Variants in ABHD2 observed in about 807,000 individuals in gnomAD.
The protein encoded by ABHD2 is abhydrolase domain containing 2, acylglycerol lipase, also known as monoacylglycerol lipase ABHD2.
In ABHD2, 20 loss-of-function variants were observed where a neutral mutation model predicts 48.1. The ratio of observed to expected loss-of-function variants is 0.42; its 90% CI spans 0.29 to 0.60. The LOEUF is 0.60. Among genes scored for constraint, ABHD2 ranks in the 20% least tolerant of loss-of-function variants. The pLI is 0.24. For synonymous variants in ABHD2, 209 were observed against 214.2 expected (o/e 0.98, Z 0.21); for missense variants, 405 against 550.9 (o/e 0.74, Z 2.65).
chr15:89,200,785 G>T lies in ABHD2; in HGVS notation c.*5362G>T. 1 of 257,042 alleles carries T rather than the reference G, an allele frequency of 3.9e-6. No individual in the cohort carries two copies. Among genetic ancestry groups the T allele is most frequent in the Non-Finnish European group, 7.7e-6 (1 of 129,130 alleles). The allele number at this position is 257,042 out of a possible 1,614,324, so 15.9% of individuals were successfully genotyped here. ...TTGCTCTACAAGACGAATTTCCCTA[G>T]AAAGAATCCAATGAAGGCCGGGCAT... is the stretch of plus-strand genomic sequence containing the variant. On this transcript the variant is annotated 3_prime_UTR_variant, in exon 11 of 11. Transcript: ENST00000352732.
At chr15:89,061,731 C>T in the ABHD2 span, among the ~76,000 whole-genome samples, 2 of 152,032 alleles carry the variant, frequency 1.3e-5, no homozygotes, top group African/African-American at 4.8e-5. Context: ...CACCACCACA[C>T]CTGGCTAATT....
chr15:89,085,554 C>T (rs991222571), upstream of ABHD2, among the ~76,000 whole-genome samples: 1 of 152,144 alleles, frequency 6.6e-6, no homozygotes, highest in African/African-American at 2.4e-5. This position sits in a 1 kb window ranked among gnomAD's most constrained non-coding sequence, Gnocchi z 4.2. Context: ...AGAGAAGATG[C>T]CCGGATCCTT....
chr15:89,049,403 G>T, the ABHD2 span, among the ~76,000 whole-genome samples: 1 of 152,270 alleles, frequency 6.6e-6, no homozygotes, highest in African/African-American at 2.4e-5. Flanking sequence ...TCCTTGAGCT[G>T]TGGTGGGCTC....
chr15:89,164,875 C>CT lies in ABHD2; in HGVS notation c.538+9342dup, dbSNP rs2050814847. Among the ~76,000 whole-genome samples the CT allele has an allele frequency of 6.6e-6, 1 of 152,202 alleles. No homozygotes were observed. Among genetic ancestry groups the CT allele is most frequent in the African/African-American group, 2.4e-5 (1 of 41,452 alleles). ...TTATCATCTTCATTGGCCCTTCACT[C>CT]TAACTTTGTGTTTTCTGTGAGCCAC... On this transcript the variant is annotated intron_variant, in intron 5 of 10. Transcript: ENST00000352732. The surrounding 1 kb of genome is among the most constrained non-coding windows in gnomAD (Gnocchi z 5.0).
At chr15:89,041,168 TC>T in the ABHD2 span, 1 of 152,166 alleles carries the variant, frequency 6.6e-6, no homozygotes, top group Non-Finnish European at 1.5e-5. Flanking sequence ...AGCATCAACT[TC>T]CAGTGACGTG....
At chr15:89,064,625 G>A in the ABHD2 span, among the ~76,000 whole-genome samples, 78 of 152,056 alleles carry the variant, frequency 5.1e-4, 1 homozygote, top group Admixed American at 5.0e-3. Context: ...ATCATTTCAT[G>A]TCAACAAAGT....
intron 3 of ABHD2, among the ~76,000 whole-genome samples, chr15:89,148,297 C>G (rs2050531818): frequency 6.6e-6 from 1 of 151,944 alleles, no homozygotes; most frequent in African/African-American, 2.4e-5. Flanking sequence ...AAGAGAAATA[C>G]AAATGACTAG....
chr15:89,145,126 G>C (rs1049752179), intron 3 of ABHD2, among the ~76,000 whole-genome samples: 2 of 152,162 alleles, frequency 1.3e-5, no homozygotes, highest in Non-Finnish European at 2.9e-5. Context: ...CGTGGTGGCA[G>C]GTGCCTGTAA....
chr15:89,193,516 T>C lies in ABHD2; in HGVS notation c.1081+197T>C, dbSNP rs868861409. The C allele has an allele frequency of 1.1e-4, 68 of 601,306 alleles. No homozygotes were observed. In the Middle Eastern group the frequency reaches 3.9e-3, roughly 35 times the overall value. 37.2% of individuals were successfully genotyped at this position (601,306 alleles called of 1,614,324 possible). On this transcript the variant is annotated intron_variant, in intron 10 of 10. Coordinates refer to ENST00000352732, the MANE Select transcript of ABHD2 (RefSeq NM_152924.5). ...GCTTGGGCATCAGGCCTCCCTCGTG[T>C]TCCTCCCAGGGCATGAGACAGGACC...
At chr15:89,098,867 G>A (rs1019846190) in intron 1 of ABHD2, among the ~76,000 whole-genome samples, 1 of 152,182 alleles carries the variant, frequency 6.6e-6, no homozygotes, top group African/African-American at 2.4e-5. Flanking sequence ...GCTTATAAGA[G>A]GAATGCAGAT....
intron 3 of ABHD2, among the ~76,000 whole-genome samples, chr15:89,129,293 G>A (rs1410907790): frequency 6.6e-6 from 1 of 152,052 alleles, no homozygotes; most frequent in Non-Finnish European, 1.5e-5. Context: ...CAGTAAGAAA[G>A]GTAGGGAGAG....
chr15:89,048,929 G>A, the ABHD2 span, among the ~76,000 whole-genome samples: 2 of 129,870 alleles, frequency 1.5e-5, no homozygotes, highest in East Asian at 4.1e-4. Flanking sequence ...TGCTGGTGAG[G>A]AACTGCGTTC....
At chr15:89,085,281 A>G (rs1901332524), upstream of ABHD2, among the ~76,000 whole-genome samples, 1 of 151,972 alleles carries the variant, frequency 6.6e-6, no homozygotes, top group African/African-American at 2.4e-5. The surrounding 1 kb of genome is among the most constrained non-coding windows in gnomAD (Gnocchi z 4.2). Context: ...TTACAGCCAC[A>G]TCCCAACACC....
At chr15:89,068,502 G>T in the ABHD2 span, among the ~76,000 whole-genome samples, 3 of 152,258 alleles carry the variant, frequency 2.0e-5, no homozygotes, top group South Asian at 6.2e-4. Context: ...TGGAACCTCA[G>T]CTGGGCTTTC....
chr15:89,186,719 C>T lies in ABHD2; in HGVS notation c.815+1203C>T, dbSNP rs1461361884. On this transcript the variant is annotated intron_variant, in intron 7 of 10. Coordinates refer to ENST00000352732, the MANE Select transcript of ABHD2 (RefSeq NM_152924.5). The surrounding 1 kb of genome is among the most constrained non-coding windows in gnomAD (Gnocchi z 4.3). ...TCCCAGCACCCGAGACACACCCGTT[C>T]GCTCAAAAAAATTTGGGGGATTTTT... Among the ~76,000 whole-genome samples, 1 of 152,094 alleles carries T rather than the reference C, an allele frequency of 6.6e-6. No individual in the cohort carries two copies. The highest frequency in any genetic ancestry group is 1.5e-5 in the Non-Finnish European group (1 of 68,018).
chr15:89,165,194 T>C (rs768878169), intron 5 of ABHD2, among the ~76,000 whole-genome samples: 4 of 152,312 alleles, frequency 2.6e-5, no homozygotes, highest in Admixed American at 2.0e-4. Context: ...CGCCTCCAGC[T>C]CAAAGCCACT....
chr15:89,068,377 C>G, the ABHD2 span, among the ~76,000 whole-genome samples: 3 of 152,182 alleles, frequency 2.0e-5, no homozygotes. Context: ...TGGCTAGCCT[C>G]TGCTCCCTGG....
the ABHD2 span, among the ~76,000 whole-genome samples, chr15:89,053,135 T>C: frequency 1.3e-5 from 2 of 151,740 alleles, no homozygotes; most frequent in African/African-American, 4.8e-5. Flanking sequence ...CCTGGCCAAT[T>C]TTTTGTATTT....
chr15:89,157,140 T>A (rs1310307636), intron 5 of ABHD2, among the ~76,000 whole-genome samples: 1 of 152,244 alleles, frequency 6.6e-6, no homozygotes, highest in African/African-American at 2.4e-5. Context: ...CCATTTATCT[T>A]TGTAGGACAT....
Sources: allele counts gnomAD v4.1 joint callset (sites outside exome capture counted in the v4.1 genomes callset), GRCh38; gene constraint gnomAD v4.1.1; non-coding constraint Gnocchi (gnomAD v3.1); transcripts MANE v1.5; gene names NCBI Gene and HGNC (gene_info 2026-07-23, HGNC 2026-07-21).